The following BORCS5 variants were observed in gnomAD, a reference collection of about 807,000 sequenced individuals.
BORCS5 encodes the protein BLOC-1-related complex subunit 5.
Under a neutral mutation model 22.1 loss-of-function variants are expected in BORCS5, and 17 were observed. The ratio of observed to expected loss-of-function variants is 0.77; its 90% confidence interval spans 0.53 to 1.15. The LOEUF (loss-of-function observed/expected upper bound fraction) is 1.15. BORCS5 is among the 50% of genes most tolerant of loss of function. BORCS5 has a pLI of 0.00. For missense variants in BORCS5, 247 were observed against 253.2 expected (o/e 0.98, Z 0.17); for synonymous variants, 117 against 99.8 (o/e 1.17, Z -1.03).
chr12:12,395,614 T>A (rs1941319912), intron 2 of BORCS5, among the ~76,000 whole-genome samples: 1 of 151,710 alleles, frequency 6.6e-6, no homozygotes, highest in African/African-American at 2.4e-5. Flanking sequence ...TAGGGCCAGA[T>A]TTGGAGGCTC....
In BORCS5 at chr12:12,370,099, TACACACAC is replaced by T. The variant is rs56408181; in HGVS notation, c.202+8779_202+8786del. Among the ~76,000 whole-genome samples, 536 of 145,400 alleles carry T rather than the reference TACACACAC, an allele frequency of 3.7e-3. 4 individuals are homozygous for T. The highest frequency in any genetic ancestry group is 0.011 in the African/African-American group (456 of 40,060). On this transcript the variant is annotated intron_variant, in intron 2 of 3. Transcript: ENST00000314565. ...CGTTAGAAATCCCATAGTGGTTTTA[TACACACAC>T]ACACACACACACACACACACACACA... is the stretch of plus-strand genomic sequence containing the variant.
intron 2 of BORCS5, among the ~76,000 whole-genome samples, chr12:12,422,522 AC>A (rs1193021364): frequency 1.3e-5 from 2 of 151,834 alleles, no homozygotes; most frequent in African/African-American, 4.8e-5. Flanking sequence ...AATCGTTTGA[AC>A]CCAGGAGGCA....
chr12:12,376,172 A>T (rs996857043), intron 2 of BORCS5, among the ~76,000 whole-genome samples: 4 of 151,906 alleles, frequency 2.6e-5, no homozygotes, highest in African/African-American at 9.7e-5. Flanking sequence ...ATGAACAAAA[A>T]GTCTGTTTTG....
chr12:12,452,313 CCAT>C, intron 3 of BORCS5: 1 of 704,460 alleles, frequency 1.4e-6, no homozygotes. Context: ...TACCATTCCC[CCAT>C]CATCATTTCT....
At position 12,439,122 on chromosome 12, in the gene BORCS5, A is replaced by T. The variant is rs545331313; in HGVS notation, c.360+3337A>T. ...TAATGCTGTTATACCTAAAATATTTAACAATGATACCTTAATTCATTCAGC... is the reference window on the plus strand; with the variant it reads ...TAATGCTGTTATACCTAAAATATTTTACAATGATACCTTAATTCATTCAGC... On this transcript the variant is annotated intron_variant, in intron 3 of 3. Coordinates refer to ENST00000314565, the MANE Select transcript of BORCS5 (RefSeq NM_058169.6). 2.0e-5 allele frequency among the ~76,000 whole-genome samples: 3 copies of T among 152,366 alleles called. No homozygotes were observed. In the East Asian group the frequency reaches 5.8e-4, roughly 29 times the overall value.
At chr12:12,381,583 T>C (rs531052888) in intron 2 of BORCS5, among the ~76,000 whole-genome samples, 1 of 151,678 alleles carries the variant, frequency 6.6e-6, no homozygotes, top group South Asian at 2.1e-4. Flanking sequence ...GATTGTACTT[T>C]GGTGTTGTAT....
At chr12:12,453,068 G>C (rs1302570429) in intron 3 of BORCS5, among the ~76,000 whole-genome samples, 1 of 152,160 alleles carries the variant, frequency 6.6e-6, no homozygotes, top group African/African-American at 2.4e-5. Context: ...CAAGCACCGG[G>C]TTTGCAAACT....
chr12:12,439,246 T>G (rs1741375950), intron 3 of BORCS5, among the ~76,000 whole-genome samples: 1 of 152,182 alleles, frequency 6.6e-6, no homozygotes, highest in African/African-American at 2.4e-5. Context: ...GGCGGTGGGA[T>G]GTTGGGTATT....
chr12:12,436,939 T>C (rs1942568346), intron 3 of BORCS5, among the ~76,000 whole-genome samples: 2 of 152,272 alleles, frequency 1.3e-5, no homozygotes, highest in South Asian at 4.1e-4. Context: ...TACTATATTA[T>C]GGTCTACCAA....
chr12:12,410,058 C>T (rs1379569957), intron 2 of BORCS5, among the ~76,000 whole-genome samples: 1 of 152,024 alleles, frequency 6.6e-6, no homozygotes, highest in Non-Finnish European at 1.5e-5. Context: ...ATATCCTTCA[C>T]CCACTTTTTG....
chr12:12,365,936 A>C (rs56784594), intron 2 of BORCS5, among the ~76,000 whole-genome samples: 6,345 of 152,276 alleles, frequency 0.042, 496 homozygotes, highest in African/African-American at 0.15. Flanking sequence ...ATATACAGGA[A>C]CTAGCGTGGT....
chr12:12,421,310 T>G (rs78849048), intron 2 of BORCS5, among the ~76,000 whole-genome samples: 10,792 of 152,210 alleles, frequency 0.071, 564 homozygotes, highest in East Asian at 0.22. Context: ...GAGATAATCA[T>G]GTGTTTTTTG....
intron 2 of BORCS5, among the ~76,000 whole-genome samples, chr12:12,411,724 G>T (rs183341362): frequency 7.2e-5 from 11 of 152,152 alleles, no homozygotes; most frequent in African/African-American, 2.7e-4. Context: ...CTCACTATAG[G>T]AAACTATAGT....
intron 1 of BORCS5, among the ~76,000 whole-genome samples, chr12:12,359,115 T>C (rs989962151): frequency 6.6e-6 from 1 of 152,212 alleles, no homozygotes; most frequent in African/African-American, 2.4e-5. Context: ...GAGTCCTTTA[T>C]AATTTGAATC....
intron 3 of BORCS5, among the ~76,000 whole-genome samples, chr12:12,458,928 C>T (rs549249665): frequency 4.6e-5 from 7 of 151,578 alleles, no homozygotes; most frequent in Non-Finnish European, 2.9e-5. Flanking sequence ...GTCAAGATCG[C>T]GCCACTGCAC....
intron 3 of BORCS5, among the ~76,000 whole-genome samples, chr12:12,464,306 G>A (rs536895592): frequency 6.6e-6 from 1 of 152,028 alleles, no homozygotes; most frequent in East Asian, 1.9e-4. Flanking sequence ...CAACACTGAT[G>A]TGCTTCGGTC....
chr12:12,375,251 G>A (rs570106872), intron 2 of BORCS5, among the ~76,000 whole-genome samples: 1 of 152,282 alleles, frequency 6.6e-6, no homozygotes, highest in African/African-American at 2.4e-5. Flanking sequence ...GACCTCAGGT[G>A]ATCCATCCGC....
At chr12:12,456,998 T>G (rs2136153840) in intron 3 of BORCS5, among the ~76,000 whole-genome samples, 1 of 152,184 alleles carries the variant, frequency 6.6e-6, no homozygotes, top group East Asian at 1.9e-4. Flanking sequence ...TCACAAAATG[T>G]CATTCGGTTT....
chr12:12,465,563 A>G lies in BORCS5; in HGVS notation c.378A>G (p.Glu126=). The G allele has an allele frequency of 2.5e-6, 4 of 1,614,230 alleles. No individual in the cohort carries two copies. The highest frequency in any genetic ancestry group is 3.4e-6 in the Non-Finnish European group (4 of 1,180,040). Residue 126 remains glutamate, a synonymous_variant, in exon 4 of 4, where the codon GAA becomes GAG. Transcript: ENST00000314565. The stretch of plus-strand genomic sequence containing the variant: ...ATCCACAGATGGATCTGTCTGTAGA[A>G]ACTCTGTTCAGCTTCATGCAGGAGC... The part of the protein sequence containing the change: ...KRIKEMDLSV[E]TLFSFMQERQ...
Sources: allele counts gnomAD v4.1 joint callset (sites outside exome capture counted in the v4.1 genomes callset), GRCh38; gene constraint gnomAD v4.1.1; transcripts MANE v1.5; gene names NCBI Gene and HGNC (gene_info 2026-07-23, HGNC 2026-07-21).